The following KCNAB1 variants were observed in gnomAD, a reference collection of about 807,000 sequenced individuals.
KCNAB1 encodes the protein voltage-gated potassium channel subunit beta-1.
A neutral mutation model predicts 64.6 loss-of-function variants in KCNAB1; 35 were observed. The ratio of observed to expected loss-of-function variants is 0.54; its 90% CI spans 0.41 to 0.72. The LOEUF (loss-of-function observed/expected upper bound fraction) is 0.72. Among genes scored for constraint, KCNAB1 ranks in the 30% least tolerant of loss-of-function variants. KCNAB1 has a pLI of 0.00. For missense variants in KCNAB1, 401 were observed against 512.9 expected, an observed-to-expected ratio of 0.78 and a Z score of 2.11; for synonymous variants, 177 against 183.8, an observed-to-expected ratio of 0.96 and a Z score of 0.30.
At chr3:156,407,559 G>A (rs1714330347) in intron 1 of KCNAB1, among the ~76,000 whole-genome samples, 1 of 152,236 alleles carries the variant, frequency 6.6e-6, no homozygotes, top group South Asian at 2.1e-4. Flanking sequence ...TTGCATGAAT[G>A]AATAATCAAC....
At chr3:156,316,548 G>A (rs1053913478) in intron 1 of KCNAB1, among the ~76,000 whole-genome samples, 3 of 152,238 alleles carry the variant, frequency 2.0e-5, no homozygotes. Context: ...CACATTCAAA[G>A]TAATTGAGAA....
chr3:156,385,353 T>C (rs1036091145), intron 1 of KCNAB1, among the ~76,000 whole-genome samples: 2 of 152,144 alleles, frequency 1.3e-5, no homozygotes, highest in Non-Finnish European at 2.9e-5. Flanking sequence ...TTCTAGATCT[T>C]TAAGTCTATT....
Position 156,474,835 on chromosome 3 carries a change from C to A in KCNAB1, c.658+15C>A. 1 of 1,584,610 alleles carries A rather than the reference C, an allele frequency of 6.3e-7. No homozygotes were observed. The highest frequency in any genetic ancestry group is 8.7e-7 in the Non-Finnish European group (1 of 1,153,696). ...TCCCATGGAAGGTAAGTTAAGAAAGCTAATAAAATACTCTAGAAATCTTGA... is the reference window on the plus strand; with the variant it reads ...TCCCATGGAAGGTAAGTTAAGAAAGATAATAAAATACTCTAGAAATCTTGA... On this transcript the variant is annotated intron_variant, in intron 8 of 13. Coordinates refer to ENST00000490337, the MANE Select transcript of KCNAB1 (RefSeq NM_172160.3).
Position 156,223,772 on chromosome 3 carries a change from T to G in KCNAB1, c.275+102886T>G, listed in dbSNP as rs911047334. Reference sequence around the variant, plus strand: ...CTTGAGCTAGATACAGGGTGCTGATTGGTGTATTCACAATCCCCTAGCTAG... The same window carrying G: ...CTTGAGCTAGATACAGGGTGCTGATGGGTGTATTCACAATCCCCTAGCTAG... On this transcript the variant is annotated intron_variant, in intron 1 of 13. Coordinates refer to ENST00000490337, the MANE Select transcript of KCNAB1 (RefSeq NM_172160.3). Among the ~76,000 whole-genome samples, 15 of 152,324 alleles carry G rather than the reference T, an allele frequency of 9.8e-5. No individual in the cohort carries two copies. The Middle Eastern group carries it at 0.01, about 104-fold the overall frequency.
intron 1 of KCNAB1, among the ~76,000 whole-genome samples, chr3:156,362,308 A>C (rs112807472): frequency 6.6e-6 from 1 of 152,206 alleles, no homozygotes; most frequent in Admixed American, 6.5e-5. Context: ...TGTAAATAGG[A>C]ATGAGGAGTG....
chr3:156,231,963 G>A (rs1275584472), intron 1 of KCNAB1, among the ~76,000 whole-genome samples: 7 of 152,064 alleles, frequency 4.6e-5, no homozygotes, highest in Non-Finnish European at 1.0e-4. Flanking sequence ...CATGGGCCAT[G>A]GTCATTCATA....
chr3:156,353,845 C>G (rs1484012759), intron 1 of KCNAB1, among the ~76,000 whole-genome samples: 1 of 152,156 alleles, frequency 6.6e-6, no homozygotes, highest in Non-Finnish European at 1.5e-5. Context: ...ATCTATTATT[C>G]TTGCGACATT....
intron 1 of KCNAB1, among the ~76,000 whole-genome samples, chr3:156,236,953 G>A (rs1475245146): frequency 6.6e-6 from 1 of 152,098 alleles, no homozygotes; most frequent in Admixed American, 6.5e-5. Context: ...CTAGTAAAAG[G>A]CTGAGTTAAA....
intron 6 of KCNAB1, among the ~76,000 whole-genome samples, chr3:156,464,791 G>C (rs536351803): frequency 2.6e-5 from 4 of 152,214 alleles, no homozygotes; most frequent in African/African-American, 9.6e-5. Context: ...GAGAAATGTG[G>C]ATTTTCATTG....
At chr3:156,243,437 A>G (rs762962105) in intron 1 of KCNAB1, among the ~76,000 whole-genome samples, 8 of 151,832 alleles carry the variant, frequency 5.3e-5, no homozygotes, top group Non-Finnish European at 8.8e-5. Context: ...CATGTTGGTC[A>G]GGCTTATCTT....
intron 1 of KCNAB1, among the ~76,000 whole-genome samples, chr3:156,211,928 C>T (rs993093477): frequency 6.6e-6 from 1 of 152,158 alleles, no homozygotes; most frequent in Non-Finnish European, 1.5e-5. Flanking sequence ...AGTTTGGGCT[C>T]TCAAGTCAAA....
intron 2 of KCNAB1, among the ~76,000 whole-genome samples, chr3:156,425,220 T>C (rs1214345503): frequency 6.6e-6 from 1 of 152,216 alleles, no homozygotes; most frequent in Non-Finnish European, 1.5e-5. Context: ...ATCAGAAAGC[T>C]ACAGATTCTT....
Position 156,187,479 on chromosome 3 carries a change from C to T in KCNAB1, c.275+66593C>T, listed in dbSNP as rs144874573. On this transcript the variant is annotated intron_variant, in intron 1 of 13. Coordinates refer to ENST00000490337, the MANE Select transcript of KCNAB1 (RefSeq NM_172160.3). ...AACATAATTAATATTTCTTTATCTC[C>T]CCATTCCATCCTGCTTCTTGAACTC... is the stretch of plus-strand genomic sequence containing the variant. Among the ~76,000 whole-genome samples, 198 of 152,272 alleles carry T rather than the reference C, an allele frequency of 1.3e-3. 1 individual carries two copies. The highest frequency in any genetic ancestry group is 1.3e-3 in the Non-Finnish European group (88 of 68,026).
At chr3:156,309,191 A>G (rs894976160) in intron 1 of KCNAB1, among the ~76,000 whole-genome samples, 4 of 152,278 alleles carry the variant, frequency 2.6e-5, no homozygotes, top group Non-Finnish European at 4.4e-5. Flanking sequence ...TTTAAAAATA[A>G]AAAGCAAATA....
chr3:156,479,886 A>G (rs1714663671), intron 8 of KCNAB1, among the ~76,000 whole-genome samples: 1 of 152,166 alleles, frequency 6.6e-6, no homozygotes. Flanking sequence ...TCATCTTGTC[A>G]AATAACCCAT....
At chr3:156,196,174 G>T (rs1713919480) in intron 1 of KCNAB1, among the ~76,000 whole-genome samples, 1 of 152,130 alleles carries the variant, frequency 6.6e-6, no homozygotes, top group African/African-American at 2.4e-5. Flanking sequence ...TTACCATGCT[G>T]TTTTGGTACC....
intron 2 of KCNAB1, among the ~76,000 whole-genome samples, chr3:156,429,575 C>T (rs1365220799): frequency 6.6e-6 from 1 of 152,212 alleles, no homozygotes; most frequent in Non-Finnish European, 1.5e-5. Context: ...CCTGGCTCAT[C>T]TCCGTCTGCC....
At chr3:156,494,431 C>T (rs1259832303) in intron 8 of KCNAB1, among the ~76,000 whole-genome samples, 2 of 152,210 alleles carry the variant, frequency 1.3e-5, no homozygotes, top group African/African-American at 2.4e-5. Context: ...AATTTAAACA[C>T]CCTCCTTTCT....
intron 1 of KCNAB1, among the ~76,000 whole-genome samples, chr3:156,178,578 G>A (rs1448174004): frequency 6.6e-6 from 1 of 152,206 alleles, no homozygotes; most frequent in Non-Finnish European, 1.5e-5. Flanking sequence ...TTGGATTGGG[G>A]AAGGATTTAT....
Sources: allele counts gnomAD v4.1 joint callset (sites outside exome capture counted in the v4.1 genomes callset), GRCh38; gene constraint gnomAD v4.1.1; transcripts MANE v1.5; gene names NCBI Gene and HGNC (gene_info 2026-07-23, HGNC 2026-07-21).